Variants in PTPRT observed in about 807,000 individuals in gnomAD.
PTPRT encodes protein tyrosine phosphatase receptor type T, also known as receptor-type tyrosine-protein phosphatase T.
A neutral mutation model predicts 176.8 loss-of-function variants in PTPRT; 56 were observed. That is an observed-to-expected ratio of 0.32 (90% confidence interval 0.26 to 0.40). The LOEUF (loss-of-function observed/expected upper bound fraction) is 0.40, where lower values mean the gene tolerates loss of function less well. Ranked by LOEUF, PTPRT falls within the 10% of genes least tolerant of loss-of-function variation. The pLI is 1.00. For synonymous variants in PTPRT, 783 were observed against 739.0 expected (o/e 1.06, Z -0.96); for missense variants, 1,540 against 1,908.2 (o/e 0.81, Z 3.60).
chr20:43,044,627 A>G (rs912329046), intron 1 of PTPRT, among the ~76,000 whole-genome samples: 1 of 152,100 alleles, frequency 6.6e-6, no homozygotes, highest in Non-Finnish European at 1.5e-5. Flanking sequence ...AGCCCCTTCA[A>G]GCCTGTGCCA....
chr20:42,785,404 A>T lies in PTPRT; in HGVS notation c.487-5105T>A, dbSNP rs549439064. On this transcript the variant is annotated intron_variant, in intron 3 of 30. Transcript: ENST00000373187. ...TAATTTGTATTTAGCCCATAGAATC[A>T]TATGTACAGGACCAGAGCTCCAGGT... Among the ~76,000 whole-genome samples, 8 of 152,344 alleles carry T rather than the reference A, an allele frequency of 5.3e-5. No individual in the cohort carries two copies. The East Asian group carries it at 1.4e-3, about 26-fold the overall frequency.
the PTPRT span, among the ~76,000 whole-genome samples, chr20:42,050,827 A>G: frequency 3.9e-5 from 6 of 152,310 alleles, no homozygotes; most frequent in African/African-American, 1.4e-4. Flanking sequence ...CCCATGATTC[A>G]GTCACTGTGC....
chr20:43,030,810 C>T (rs756701746), intron 1 of PTPRT, among the ~76,000 whole-genome samples: 3 of 152,078 alleles, frequency 2.0e-5, no homozygotes, highest in Non-Finnish European at 2.9e-5. Flanking sequence ...CTCTGGGTAA[C>T]ATGAGATTAC....
In PTPRT at chr20:42,085,827, C is replaced by T; in HGVS notation, c.3873G>A (p.Lys1291=). The part of the protein sequence containing the change: ...AQFCMQYWPE[K]TSGCYGPIQV... ...GGATGGGCCCATAGCACCCGGAGGTCTTCTCAGGCCAGTACTGCATACAGA... is the reference window on the plus strand; with the variant it reads ...GGATGGGCCCATAGCACCCGGAGGTTTTCTCAGGCCAGTACTGCATACAGA... The change falls in exon 28 of 31, where the codon AAG becomes AAA. Residue 1291 remains lysine, a synonymous_variant. Transcript: ENST00000373187. 1 of 1,613,472 alleles carries T rather than the reference C, an allele frequency of 6.2e-7. No homozygotes were observed. The highest frequency in any genetic ancestry group is 1.1e-5 in the South Asian group (1 of 91,080).
In PTPRT at chr20:42,199,299, A is replaced by G; in HGVS notation, c.2432T>C (p.Leu811Pro). ...VASADKPTTK[L>P]SASRNDEGFS... ...GCCTTCATCATTGCGGCTGGCGCTG[A>G]GCTTGGTGGTGGGTTTGTCGGCAGA... The change falls in exon 16 of 31, where the codon CTC becomes CCC. Residue 811 changes from leucine to proline, a missense_variant. This residue lies in a region of PTPRT where 255 missense variants were observed against 250.1 expected (regional missense o/e 1.02). Transcript: ENST00000373187. 6.2e-7 allele frequency: 1 copy of G among 1,614,090 alleles called. No individual in the cohort carries two copies. The highest frequency in any genetic ancestry group is 8.5e-7 in the Non-Finnish European group (1 of 1,180,010).
chr20:42,729,849 A>G (rs1245797113), intron 6 of PTPRT, among the ~76,000 whole-genome samples: 4 of 152,184 alleles, frequency 2.6e-5, no homozygotes, highest in African/African-American at 9.6e-5. Context: ...TGCTACACTC[A>G]GGATTCCAGC....
intron 2 of PTPRT, among the ~76,000 whole-genome samples, chr20:42,878,297 G>A (rs1293890773): frequency 1.3e-5 from 2 of 152,142 alleles, no homozygotes; most frequent in Non-Finnish European, 2.9e-5. Context: ...TTAATGACAT[G>A]GGAAAATGCT....
chr20:42,859,827 C>T (rs1301809149), intron 2 of PTPRT, among the ~76,000 whole-genome samples: 1 of 151,620 alleles, frequency 6.6e-6, no homozygotes, highest in Admixed American at 6.6e-5. Flanking sequence ...CTCCTGACCT[C>T]GTGATCCACC....
chr20:43,155,548 G>A (rs976898143), intron 1 of PTPRT, among the ~76,000 whole-genome samples: 2 of 152,134 alleles, frequency 1.3e-5, no homozygotes, highest in Admixed American at 6.5e-5. Context: ...AGAGGATGGG[G>A]GATGGTGGCC....
intron 1 of PTPRT, among the ~76,000 whole-genome samples, chr20:43,146,591 A>T (rs2014176529): frequency 6.6e-6 from 1 of 151,958 alleles, no homozygotes; most frequent in Non-Finnish European, 1.5e-5. Flanking sequence ...AAACACATAA[A>T]CTATTGTTCT....
chr20:43,086,790 T>C (rs1600702372), intron 1 of PTPRT, among the ~76,000 whole-genome samples: 1 of 152,194 alleles, frequency 6.6e-6, no homozygotes, highest in Non-Finnish European at 1.5e-5. Flanking sequence ...CCTACTGTTA[T>C]AACCGGGGGC....
intron 7 of PTPRT, among the ~76,000 whole-genome samples, chr20:42,654,050 G>T (rs1024573212): frequency 6.6e-6 from 1 of 152,144 alleles, no homozygotes; most frequent in Non-Finnish European, 1.5e-5. Context: ...GAGCAGGACA[G>T]GACAGGGGAG....
chr20:42,056,746 A>T, the PTPRT span, among the ~76,000 whole-genome samples: 1 of 152,226 alleles, frequency 6.6e-6, no homozygotes, highest in Non-Finnish European at 1.5e-5. Flanking sequence ...TTATCATCCA[A>T]ATTGGTACAT....
At chr20:42,294,109 C>A (rs2057354709) in intron 12 of PTPRT, among the ~76,000 whole-genome samples, 1 of 152,156 alleles carries the variant, frequency 6.6e-6, no homozygotes, top group Non-Finnish European at 1.5e-5. Flanking sequence ...CACAATCACC[C>A]TTGTCATCCT....
At chr20:42,456,541 C>T (rs1044955961) in intron 8 of PTPRT, among the ~76,000 whole-genome samples, 4 of 151,928 alleles carry the variant, frequency 2.6e-5, no homozygotes, top group Non-Finnish European at 5.9e-5. Flanking sequence ...TCCAGGCATA[C>T]AAGAATATTT....
At chr20:42,152,618 G>A (rs925507432) in intron 17 of PTPRT, among the ~76,000 whole-genome samples, 2 of 152,142 alleles carry the variant, frequency 1.3e-5, no homozygotes, top group African/African-American at 2.4e-5. Context: ...GAAATCTCAC[G>A]CGAGGGTACC....
chr20:42,111,094 G>T (rs1444741324), intron 22 of PTPRT, among the ~76,000 whole-genome samples: 2 of 152,128 alleles, frequency 1.3e-5, no homozygotes, highest in Non-Finnish European at 2.9e-5. Context: ...GTGGGGCCTA[G>T]AGCTCTGAGC....
chr20:42,505,075 A>G (rs2071820336), intron 7 of PTPRT, among the ~76,000 whole-genome samples: 1 of 135,534 alleles, frequency 7.4e-6, no homozygotes, highest in Non-Finnish European at 1.5e-5. Flanking sequence ...TCAAGTTTCT[A>G]CTGAACTTGC....
intron 3 of PTPRT, among the ~76,000 whole-genome samples, chr20:42,783,047 T>G (rs572864605): frequency 2.2e-4 from 34 of 152,330 alleles, no homozygotes; most frequent in Non-Finnish European, 3.4e-4. Context: ...TTCAAAGGCT[T>G]ATGGCTCAGT....
Sources: allele counts gnomAD v4.1 joint callset (sites outside exome capture counted in the v4.1 genomes callset), GRCh38; gene constraint gnomAD v4.1.1; regional missense constraint gnomAD v4.1.1; transcripts MANE v1.5; gene names NCBI Gene and HGNC (gene_info 2026-07-23, HGNC 2026-07-21).